Variants in TENM2 observed in about 807,000 individuals in gnomAD.
TENM2 encodes the protein teneurin transmembrane protein 2, also known as teneurin-2.
Under a neutral mutation model 245.2 loss-of-function variants are expected in TENM2, and 52 were observed. The observed-to-expected ratio is 0.21, with a 90% CI of 0.17 to 0.27. The LOEUF is 0.27. Ranked by LOEUF, TENM2 falls within the 10% of genes least tolerant of loss-of-function variation. The probability of loss-of-function intolerance (pLI) is 1.00; values close to 1 mark genes in which losing one functional copy is unlikely to be tolerated. For synonymous variants in TENM2, 1,363 were observed against 1,438.9 expected (o/e 0.95, Z 1.19); for missense variants, 3,046 against 3,666.8 (o/e 0.83, Z 4.37).
chr5:167,576,483 G>T (rs1370423954), intron 2 of TENM2, among the ~76,000 whole-genome samples: 1 of 152,134 alleles, frequency 6.6e-6, no homozygotes, highest in Non-Finnish European at 1.5e-5. Context: ...ATGTTCTATA[G>T]AAAGCTATTA....
At chr5:167,915,454 C>G (rs192530477) in intron 3 of TENM2, among the ~76,000 whole-genome samples, 1 of 152,290 alleles carries the variant, frequency 6.6e-6, no homozygotes, top group Admixed American at 6.5e-5. Flanking sequence ...AAAATTTGCT[C>G]CATATTGAAT....
In TENM2 at chr5:168,004,968, C is replaced by T. The variant is rs146572706; in HGVS notation, c.1186+11786C>T. On this transcript the variant is annotated intron_variant, in intron 5 of 28. Transcript: ENST00000518659. ...CCATCCCCTCATCCCCATCTCCACC[C>T]TCGCTTCTTTGGGTGGAAGGTTGTT... Among the ~76,000 whole-genome samples, 1,307 of 152,272 alleles carry T rather than the reference C, an allele frequency of 8.6e-3. 20 individuals carry two copies. Among genetic ancestry groups the T allele is most frequent in the Non-Finnish European group, 0.012 (812 of 68,032 alleles).
At chr5:167,783,171 A>AG (rs1272292250) in intron 2 of TENM2, among the ~76,000 whole-genome samples, 2 of 42,584 alleles carry the variant, frequency 4.7e-5, no homozygotes, top group Non-Finnish European at 1.1e-4. Context: ...AACTAGAAAC[A>AG]GGTTTTTTTT....
At chr5:167,914,657 G>A (rs944538615) in intron 3 of TENM2, among the ~76,000 whole-genome samples, 1 of 152,126 alleles carries the variant, frequency 6.6e-6, no homozygotes. Flanking sequence ...TGTCTCACAG[G>A]TCTAGAGGCT....
At chr5:167,916,193 A>G (rs1043025051) in intron 3 of TENM2, among the ~76,000 whole-genome samples, 11 of 152,140 alleles carry the variant, frequency 7.2e-5, no homozygotes, top group Admixed American at 7.2e-4. Flanking sequence ...AACCGTCACT[A>G]TTTTTGTGAG....
chr5:167,796,269 A>G (rs1447498426), intron 2 of TENM2, among the ~76,000 whole-genome samples: 1 of 152,178 alleles, frequency 6.6e-6, no homozygotes, highest in Non-Finnish European at 1.5e-5. Flanking sequence ...CCTCTGACCC[A>G]AAACACCTTT....
chr5:168,221,620 A>T (rs1440033722), intron 23 of TENM2, among the ~76,000 whole-genome samples: 1 of 152,196 alleles, frequency 6.6e-6, no homozygotes, highest in Non-Finnish European at 1.5e-5. Context: ...AAAAAATAAC[A>T]CTATCGAATC....
chr5:167,872,527 AG>A (rs1773024362), intron 2 of TENM2, among the ~76,000 whole-genome samples: 1 of 50,212 alleles, frequency 2.0e-5, no homozygotes, highest in African/African-American at 5.7e-5. Flanking sequence ...AAAGAAAGAA[AG>A]AAAGAAAGAA....
intron 4 of TENM2, among the ~76,000 whole-genome samples, chr5:167,981,205 C>T (rs1163999438): frequency 6.6e-6 from 1 of 152,192 alleles, no homozygotes; most frequent in Non-Finnish European, 1.5e-5. Context: ...AGTTCAGCTC[C>T]CCGCCATCCC....
Position 167,702,553 on chromosome 5 carries a change from T to TATATATATATATATATATACATAC in TENM2, c.503-173410_503-173409insCATATATATATATATATATACATA, listed in dbSNP as rs1554102839. On this transcript the variant is annotated intron_variant, in intron 2 of 28. Transcript: ENST00000518659. ...ATGTATGTATGTATGTGTGTGTGTG[T>TATATATATATATATATATACATAC]ATATATATATATATATATACATATA... is the stretch of plus-strand genomic sequence containing the variant. Among the ~76,000 whole-genome samples, 578 of 63,536 alleles carry TATATATATATATATATATACATAC rather than the reference T, an allele frequency of 9.1e-3. 9 individuals carry two copies. Among genetic ancestry groups the TATATATATATATATATATACATAC allele is most frequent in the African/African-American group, 0.052 (541 of 10,446 alleles). The allele number at this position is 63,536 out of a possible 152,430, so 41.7% of individuals were successfully genotyped here.
chr5:168,055,308 A>G (rs948384685), intron 6 of TENM2, among the ~76,000 whole-genome samples: 2 of 152,244 alleles, frequency 1.3e-5, no homozygotes, highest in Non-Finnish European at 2.9e-5. Flanking sequence ...GTATGAATGA[A>G]TGGCCCACCC....
At chr5:167,926,070 T>C (rs1469517866) in intron 3 of TENM2, among the ~76,000 whole-genome samples, 1 of 152,104 alleles carries the variant, frequency 6.6e-6, no homozygotes, top group African/African-American at 2.4e-5. Context: ...TGTTTACCTA[T>C]GTAAAAAACC....
intron 17 of TENM2, among the ~76,000 whole-genome samples, chr5:168,201,315 T>C (rs1202694132): frequency 6.6e-6 from 1 of 151,952 alleles, no homozygotes; most frequent in African/African-American, 2.4e-5. Flanking sequence ...CACATACATA[T>C]ATACAGATAT....
At chr5:167,977,514 C>A (rs1430994002) in intron 4 of TENM2, among the ~76,000 whole-genome samples, 2 of 152,182 alleles carry the variant, frequency 1.3e-5, no homozygotes, top group Non-Finnish European at 1.5e-5. Context: ...CCACTAGGCT[C>A]TCCCTGAAAG....
At chr5:168,223,806 G>GGGGAAAATGCAAAT (rs1429062514) in intron 23 of TENM2, among the ~76,000 whole-genome samples, 1 of 151,820 alleles carries the variant, frequency 6.6e-6, no homozygotes, top group African/African-American at 2.4e-5. Flanking sequence ...AAAATGCAAA[G>GGGGAAAATGCAAAT]AAGAAAATGA....
rs79337739 is a variant in TENM2, at chr5:167,426,412, A to G, written c.502+50939A>G. On this transcript the variant is annotated intron_variant, in intron 2 of 28. Coordinates refer to ENST00000518659, the Ensembl canonical transcript of TENM2. Reference sequence around the variant, plus strand: ...CCCTCTTGGGTTTGTTTTCTCTAAAATAAACCTGTCCTTAATTGTCAAGAC... The same window carrying G: ...CCCTCTTGGGTTTGTTTTCTCTAAAGTAAACCTGTCCTTAATTGTCAAGAC... 6.6e-3 allele frequency among the ~76,000 whole-genome samples: 1,002 copies of G among 152,206 alleles called. 12 individuals carry two copies. Among genetic ancestry groups the G allele is most frequent in the African/African-American group, 0.023 (952 of 41,528 alleles).
chr5:167,070,284 A>AT, the TENM2 span, among the ~76,000 whole-genome samples: 557 of 99,328 alleles, frequency 5.6e-3, 21 homozygotes, highest in South Asian at 0.027. Flanking sequence ...CGCCCGGCTA[A>AT]TTTTTTTTTT....
At chr5:167,963,415 A>G (rs1045545861) in intron 4 of TENM2, among the ~76,000 whole-genome samples, 2 of 152,166 alleles carry the variant, frequency 1.3e-5, no homozygotes, top group Admixed American at 1.3e-4. Flanking sequence ...ATGCCATGCT[A>G]GTATTTCCAT....
At chr5:167,063,393 C>T in the TENM2 span, among the ~76,000 whole-genome samples, 3 of 152,178 alleles carry the variant, frequency 2.0e-5, no homozygotes, top group African/African-American at 4.8e-5. Flanking sequence ...AAAGCATTAA[C>T]GAGGAAGTTT....
Sources: gnomAD v4.1 joint callset for allele counts (sites outside exome capture counted in the v4.1 genomes callset) on GRCh38, gnomAD v4.1.1 for gene constraint, MANE v1.5 for transcripts, NCBI Gene and HGNC (gene_info 2026-07-23, HGNC 2026-07-21) for gene names.